The following RTN1 variants were observed in gnomAD, a reference collection of about 807,000 sequenced individuals.
RTN1 encodes the protein reticulon-1.
In RTN1, 25 loss-of-function variants were observed where a neutral mutation model predicts 65.5. The observed-to-expected ratio is 0.38, with a 90% CI of 0.28 to 0.53. The LOEUF (loss-of-function observed/expected upper bound fraction) is 0.53, where lower values mean the gene tolerates loss of function less well. Ranked by LOEUF, RTN1 falls within the 20% of genes least tolerant of loss-of-function variation. The probability of loss-of-function intolerance (pLI) is 0.79; values close to 1 mark genes in which losing one functional copy is unlikely to be tolerated. For missense variants in RTN1, 983 were observed against 1,025.4 expected, an observed-to-expected ratio of 0.96 and a Z score of 0.57; for synonymous variants, 471 against 447.6, an observed-to-expected ratio of 1.05 and a Z score of -0.66.
chr14:59,777,821 AC>A (rs887789868), intron 1 of RTN1, among the ~76,000 whole-genome samples: 38 of 108,086 alleles, frequency 3.5e-4, no homozygotes, highest in South Asian at 5.1e-4. Context: ...AACAACAACA[AC>A]AAAAAAAAAA....
rs1369066709 is a variant in RTN1 at position 59,749,222 on chromosome 14, ATATATC to A, written c.242-2747_242-2742del. Among the ~76,000 whole-genome samples the A allele has an allele frequency of 4.8e-3, 380 of 79,206 alleles. 66 individuals carry two copies. Among genetic ancestry groups the A allele is most frequent in the African/African-American group, 0.018 (192 of 10,860 alleles). The allele number at this position is 79,206 out of a possible 152,430, so 52.0% of individuals were successfully genotyped here. A position where few individuals can be genotyped will look rare whatever the true frequency, so the allele number is the denominator to read the frequency against. ...TCTATATATATATCTATATATATCT[ATATATC>A]TATATATATCTATATATATCTATAT... On this transcript the variant is annotated intron_variant, in intron 1 of 8. Transcript: ENST00000267484.
intron 3 of RTN1, among the ~76,000 whole-genome samples, chr14:59,627,102 A>G (rs1484070244): frequency 6.6e-6 from 1 of 152,248 alleles, no homozygotes; most frequent in African/African-American, 2.4e-5. Flanking sequence ...AACCTTGGGC[A>G]AGTCAGTTAA....
At chr14:59,776,359 C>T (rs935872346) in intron 1 of RTN1, among the ~76,000 whole-genome samples, 2 of 152,112 alleles carry the variant, frequency 1.3e-5, no homozygotes, top group African/African-American at 4.8e-5. Flanking sequence ...GTAAGAGCAA[C>T]TTTGGCCCTA....
At chr14:59,743,185 C>G (rs1452848142) in intron 2 of RTN1, among the ~76,000 whole-genome samples, 1 of 152,200 alleles carries the variant, frequency 6.6e-6, no homozygotes, top group Non-Finnish European at 1.5e-5. Context: ...TCATGTGAGC[C>G]AGATCTGCCT....
At chr14:59,827,624 A>C (rs1326769659) in intron 1 of RTN1, among the ~76,000 whole-genome samples, 1 of 152,172 alleles carries the variant, frequency 6.6e-6, no homozygotes, top group Non-Finnish European at 1.5e-5. Context: ...AACTGATAAT[A>C]AATCAGGAAG....
intron 3 of RTN1, among the ~76,000 whole-genome samples, chr14:59,624,801 AC>A (rs1224786998): frequency 6.6e-6 from 1 of 152,232 alleles, no homozygotes; most frequent in East Asian, 1.9e-4. Context: ...CAGTATATCA[AC>A]AATACATGGG....
chr14:59,805,489 G>A (rs1886620140), intron 1 of RTN1, among the ~76,000 whole-genome samples: 1 of 152,152 alleles, frequency 6.6e-6, no homozygotes, highest in South Asian at 2.1e-4. Context: ...CTGAACCACT[G>A]ACATGGCAGC....
chr14:59,643,498 G>A (rs1043035340), intron 3 of RTN1, among the ~76,000 whole-genome samples: 32 of 152,214 alleles, frequency 2.1e-4, no homozygotes, highest in African/African-American at 7.2e-4. Flanking sequence ...GATTACAGGC[G>A]TGGGCCACCA....
At chr14:59,770,108 T>C (rs1001418386) in intron 1 of RTN1, among the ~76,000 whole-genome samples, 13 of 151,938 alleles carry the variant, frequency 8.6e-5, no homozygotes, top group African/African-American at 2.4e-4. Flanking sequence ...CCAGGCGTGG[T>C]GGCTCATGCC....
chr14:59,843,646 G>A (rs1004098091), intron 1 of RTN1, among the ~76,000 whole-genome samples: 7 of 152,150 alleles, frequency 4.6e-5, no homozygotes, highest in Non-Finnish European at 8.8e-5. Context: ...AAAAAGGAAC[G>A]CACACGTGAT....
chr14:59,718,377 C>T (rs1884581516), intron 3 of RTN1, among the ~76,000 whole-genome samples: 1 of 152,222 alleles, frequency 6.6e-6, no homozygotes. Context: ...CTAACTTTAG[C>T]CTCTGACTTT....
intron 1 of RTN1, among the ~76,000 whole-genome samples, chr14:59,827,435 G>A (rs1306302640): frequency 6.6e-6 from 1 of 152,002 alleles, no homozygotes; most frequent in Non-Finnish European, 1.5e-5. Flanking sequence ...TTTTCTCACT[G>A]GGTTTGCCCT....
intron 6 of RTN1, 111 bp from the exon 7 acceptor site, chr14:59,603,369 A>T: frequency 2.6e-6 from 2 of 783,056 alleles, no homozygotes; most frequent in Non-Finnish European, 4.0e-6. Flanking sequence ...TGGAATATAC[A>T]GCATTTTATT....
Position 59,781,974 on chromosome 14 carries a change from T to C in RTN1, c.242-35493A>G, listed in dbSNP as rs143286227. Among the ~76,000 whole-genome samples, 350 of 152,210 alleles carry C rather than the reference T, an allele frequency of 2.3e-3. 1 individual carries two copies. The highest frequency in any genetic ancestry group is 8.1e-3 in the African/African-American group (335 of 41,540). On this transcript the variant is annotated intron_variant, in intron 1 of 8. Coordinates refer to ENST00000267484, the MANE Select transcript of RTN1 (RefSeq NM_021136.3). ...AAATCCTAATTCCCAAGCGATGGTA[T>C]GAGGAGGTAGGGCCTTTGGGAGGTG...
intron 2 of RTN1, among the ~76,000 whole-genome samples, chr14:59,730,362 T>C (rs184100327): frequency 1.3e-4 from 20 of 152,296 alleles, no homozygotes; most frequent in Non-Finnish European, 2.5e-4. Context: ...CATGTTGTAT[T>C]TTAAAATTTC....
intron 3 of RTN1, among the ~76,000 whole-genome samples, chr14:59,717,729 A>T (rs571498196): frequency 1.9e-4 from 29 of 152,286 alleles, no homozygotes; most frequent in African/African-American, 6.0e-4. Flanking sequence ...AACAGTATAC[A>T]TTTCACTTTA....
intron 1 of RTN1, among the ~76,000 whole-genome samples, chr14:59,805,101 C>A (rs928993703): frequency 1.3e-5 from 2 of 152,186 alleles, no homozygotes; most frequent in African/African-American, 4.8e-5. Context: ...TGCTCTTCAC[C>A]AAAGTATTGG....
chr14:59,748,806 G>A (rs111258312), intron 1 of RTN1, among the ~76,000 whole-genome samples: 2,579 of 151,716 alleles, frequency 0.017, 73 homozygotes, highest in African/African-American at 0.06. Context: ...TTGTGGGGGC[G>A]GAGGACAGAG....
chr14:59,679,946 G>T (rs543184225), intron 3 of RTN1, among the ~76,000 whole-genome samples: 59 of 152,246 alleles, frequency 3.9e-4, no homozygotes, highest in Middle Eastern at 6.8e-3. Context: ...TTAAAAACCA[G>T]GTCAGACTTA....
Sources: allele counts gnomAD v4.1 joint callset (sites outside exome capture counted in the v4.1 genomes callset), GRCh38; gene constraint gnomAD v4.1.1; transcripts MANE v1.5; gene names NCBI Gene and HGNC (gene_info 2026-07-23, HGNC 2026-07-21).